Variants in ITGA4 observed in about 807,000 individuals in gnomAD.
ITGA4 encodes integrin subunit alpha 4.
Under a neutral mutation model 133.6 loss-of-function variants are expected in ITGA4, and 63 were observed. That is an observed-to-expected ratio of 0.47 (90% CI 0.38 to 0.58). ITGA4 has a LOEUF of 0.58. ITGA4 is among the 20% of genes least tolerant of loss of function. The pLI is 0.00. For missense variants in ITGA4, 1,076 were observed against 1,252.7 expected (o/e 0.86, Z 2.13); for synonymous variants, 483 against 438.0 (o/e 1.10, Z -1.28).
At chr2:181,517,707 G>T (rs1686635297) in intron 17 of ITGA4, among the ~76,000 whole-genome samples, 1 of 152,052 alleles carries the variant, frequency 6.6e-6, no homozygotes, top group Admixed American at 6.6e-5. Flanking sequence ...TTAGGGGAAA[G>T]AAAGTAGAAT....
chr2:181,458,681 A>C, intron 2 of ITGA4: 1 of 236,150 alleles, frequency 4.2e-6, no homozygotes, highest in South Asian at 6.7e-5. Context: ...TTTTATTTCC[A>C]TCTTTGACCT....
Position 181,493,333 on chromosome 2 carries a change from A to T in ITGA4, c.1162A>T (p.Ile388Phe). Reference sequence around the variant, plus strand: ...TTTAAATTATTGGATAGATGTTGCTATCGGAGCTCCACAAGAAGATGACTT... The same window carrying T: ...TTTAAATTATTGGATAGATGTTGCTTTCGGAGCTCCACAAGAAGATGACTT... ...IDNDGFEDVA[I>F]GAPQEDDLQG... The change falls in exon 11 of 28, where the codon ATC (isoleucine) becomes TTC (phenylalanine). Residue 388 changes from isoleucine to phenylalanine, a missense_variant. Around this residue, in one of 4 missense-constraint regions of ITGA4, gnomAD observed 436 missense variants for 590.7 expected, o/e 0.74. Transcript: ENST00000397033. 6.2e-7 allele frequency: 1 copy of T among 1,603,884 alleles called. No homozygotes were observed.
rs1468766884 is a variant in ITGA4, at chr2:181,526,856, G to C, written c.2340-441G>C. Among the ~76,000 whole-genome samples, 3 of 14,518 alleles carry C rather than the reference G, an allele frequency of 2.1e-4. No homozygotes were observed. In the Admixed American group the frequency reaches 3.1e-3, roughly 15 times the overall value. 9.5% of individuals were successfully genotyped at this position (14,518 alleles called of 152,430 possible). A position where few individuals can be genotyped will look rare whatever the true frequency, so the allele number is the denominator to read the frequency against. On this transcript the variant is annotated intron_variant, in intron 21 of 27. Coordinates refer to ENST00000397033, the MANE Select transcript of ITGA4 (RefSeq NM_000885.6). The stretch of plus-strand genomic sequence containing the variant: ...TTTTTTTTTTTTTTTTTTTTTTTAA[G>C]AGTCTCGCTCTATTGCCCATGCTGG...
At chr2:181,479,481 C>G (rs1685754629) in intron 5 of ITGA4, 1 of 105,376 alleles carries the variant, frequency 9.5e-6, no homozygotes, top group African/African-American at 3.2e-5. Flanking sequence ...AAAGAAAATG[C>G]TTTCTTCAGT....
intron 24 of ITGA4, 52 bp downstream of exon 24, chr2:181,530,701 G>A (rs1424996737): frequency 9.6e-6 from 15 of 1,555,824 alleles, no homozygotes; most frequent in Non-Finnish European, 1.1e-5. Flanking sequence ...AGAGAAGTGA[G>A]ACACTTAAAA....
At chr2:181,468,802 G>A (rs1264194383) in intron 2 of ITGA4, among the ~76,000 whole-genome samples, 1 of 152,066 alleles carries the variant, frequency 6.6e-6, no homozygotes, top group African/African-American at 2.4e-5. Flanking sequence ...GAAAGAGAAA[G>A]GCTTAAAAGG....
intron 17 of ITGA4, among the ~76,000 whole-genome samples, chr2:181,521,923 AAAG>A: frequency 6.6e-6 from 1 of 152,200 alleles, no homozygotes; most frequent in East Asian, 1.9e-4. Flanking sequence ...GTTATGCAGA[AAAG>A]AAATGAGAAA....
rs758263054 is a variant in ITGA4 at position 181,475,893 on chromosome 2, CAG to C, written c.556+608_556+609del. 58 of 1,567,798 alleles carry C rather than the reference CAG, an allele frequency of 3.7e-5. No homozygotes were observed. In the South Asian group the frequency reaches 5.6e-4, roughly 15 times the overall value. On this transcript the variant is annotated intron_variant, in intron 4 of 27. Transcript: ENST00000397033. ...TGGGGTGAATGTCAACAGAGCATGTCAGAGGATATCTGCAGCAAAACTAAAAT... is the reference window on the plus strand; with the variant it reads ...TGGGGTGAATGTCAACAGAGCATGTCAGGATATCTGCAGCAAAACTAAAAT...
chr2:181,486,113 TA>T (rs1446223071), intron 10 of ITGA4, 121 bp downstream of exon 10: 2 of 1,343,600 alleles, frequency 1.5e-6, no homozygotes, highest in Non-Finnish European at 2.0e-6. Flanking sequence ...AATGGCATGC[TA>T]AGTTTTTTCT....
intron 24 of ITGA4, among the ~76,000 whole-genome samples, chr2:181,531,254 A>G (rs2105772252): frequency 6.6e-6 from 1 of 152,260 alleles, no homozygotes; most frequent in East Asian, 1.9e-4. Context: ...GCATGGGTTA[A>G]TTTTCATTCT....
In ITGA4 at chr2:181,510,288, T is replaced by G. The variant is rs77022423; in HGVS notation, c.1845+481T>G. ...TGTATTTATGTTATACAATAATTTCTTTTTAAAAATTTCATTATATGCTTT... is the reference window on the plus strand; with the variant it reads ...TGTATTTATGTTATACAATAATTTCGTTTTAAAAATTTCATTATATGCTTT... On this transcript the variant is annotated intron_variant, in intron 16 of 27. Coordinates refer to ENST00000397033, the MANE Select transcript of ITGA4 (RefSeq NM_000885.6). Among the ~76,000 whole-genome samples the G allele has an allele frequency of 3.6e-3, 542 of 152,278 alleles. 3 individuals carry two copies. Among genetic ancestry groups the G allele is most frequent in the Non-Finnish European group, 5.3e-3 (360 of 68,012 alleles).
At chr2:181,514,551 A>T (rs1686569819) in intron 17 of ITGA4, among the ~76,000 whole-genome samples, 1 of 152,038 alleles carries the variant, frequency 6.6e-6, no homozygotes, top group African/African-American at 2.4e-5. Context: ...TTGATTTCTT[A>T]GTTGAATAAC....
intron 17 of ITGA4, among the ~76,000 whole-genome samples, chr2:181,521,435 G>A (rs1686718679): frequency 6.6e-6 from 1 of 152,116 alleles, no homozygotes; most frequent in Non-Finnish European, 1.5e-5. Flanking sequence ...CAGATCTTCA[G>A]TGAATGGTAG....
At chr2:181,527,479 C>T (rs1303206537) in intron 22 of ITGA4, 92 bp downstream of exon 22, 1 of 841,662 alleles carries the variant, frequency 1.2e-6, no homozygotes, top group South Asian at 1.5e-5. Flanking sequence ...CTATGACGTC[C>T]TTCAGCCTCT....
chr2:181,484,943 G>A (rs1685880862), intron 9 of ITGA4, among the ~76,000 whole-genome samples: 1 of 152,150 alleles, frequency 6.6e-6, no homozygotes, highest in South Asian at 2.1e-4. Context: ...GAAGAATAAA[G>A]GACATGGCCT....
Position 181,538,003 on chromosome 2 carries a change from A to T in ITGA4, c.*2476A>T, listed in dbSNP as rs1687259659. 1.5e-6 allele frequency: 1 copy of T among 682,504 alleles called. No individual in the cohort carries two copies. The highest frequency in any genetic ancestry group is 1.5e-5 in the South Asian group (1 of 66,256). 42.3% of individuals were successfully genotyped at this position (682,504 alleles called of 1,614,324 possible). ...TCTAGAGTGCCATGTTCCTCAAGAG[A>T]ATCTAATGCCTGATGATCTGAGGTG... On this transcript the variant is annotated 3_prime_UTR_variant, in exon 28 of 28. Transcript: ENST00000397033.
Position 181,537,720 on chromosome 2 carries a change from G to A in ITGA4, c.*2193G>A, listed in dbSNP as rs1338435859. 1 of 426,800 alleles carries A rather than the reference G, an allele frequency of 2.3e-6. No homozygotes were observed. Among genetic ancestry groups the A allele is most frequent in the African/African-American group, 2.1e-5 (1 of 48,482 alleles). 26.4% of individuals were successfully genotyped at this position (426,800 alleles called of 1,614,324 possible). A position where few individuals can be genotyped will look rare whatever the true frequency, so the allele number is the denominator to read the frequency against. On this transcript the variant is annotated 3_prime_UTR_variant, in exon 28 of 28. Transcript: ENST00000397033. ...TATGATGGTTGCAAAGTTTTTTTGT[G>A]TGTCCAATAAACACATTGTAAAAAA...
At chr2:181,529,715 A>C in intron 23 of ITGA4, 67 bp downstream of exon 23, 1 of 806,884 alleles carries the variant, frequency 1.2e-6, no homozygotes. Context: ...ATGCAAACCA[A>C]TCCTTTATTC....
At chr2:181,497,334 A>G (rs577280334) in intron 14 of ITGA4, among the ~76,000 whole-genome samples, 40 of 152,342 alleles carry the variant, frequency 2.6e-4, no homozygotes, top group African/African-American at 8.9e-4. Flanking sequence ...TTATCATAAA[A>G]TGACTCCCAG....
Sources: allele counts gnomAD v4.1 joint callset (sites outside exome capture counted in the v4.1 genomes callset), GRCh38; gene constraint gnomAD v4.1.1; regional missense constraint gnomAD v4.1.1; transcripts MANE v1.5; gene names NCBI Gene and HGNC (gene_info 2026-07-23, HGNC 2026-07-21).